CALD1: variants seen among roughly 807,000 people sequenced by gnomAD.
CALD1 encodes the protein caldesmon.
CALD1 carries 33 observed loss-of-function variants against 99.9 expected under a neutral mutation model. The observed-to-expected ratio is 0.33, with a 90% confidence interval of 0.25 to 0.44. The LOEUF is 0.44. Ranked by LOEUF, CALD1 falls within the 20% of genes least tolerant of loss-of-function variation. The pLI is 1.00. For missense variants in CALD1, 861 were observed against 962.1 expected (o/e 0.89, Z 1.39); for synonymous variants, 310 against 325.0 (o/e 0.95, Z 0.50).
chr7:134,946,379 G>A (rs1806873053), intron 7 of CALD1, among the ~76,000 whole-genome samples: 1 of 152,090 alleles, frequency 6.6e-6, no homozygotes, highest in Admixed American at 6.5e-5. Flanking sequence ...GTACAGTTAA[G>A]TAGTGTGAGG....
At chr7:134,818,394 G>C (rs1477419670) in intron 1 of CALD1, among the ~76,000 whole-genome samples, 2 of 152,176 alleles carry the variant, frequency 1.3e-5, no homozygotes, top group Non-Finnish European at 2.9e-5. Flanking sequence ...AAAGTAAATT[G>C]CTTTCTGGTA....
At chr7:134,943,712 G>GT in intron 7 of CALD1, among the ~76,000 whole-genome samples, 1 of 152,112 alleles carries the variant, frequency 6.6e-6, no homozygotes, top group Non-Finnish European at 1.5e-5. Context: ...ATAACTAGCA[G>GT]TAACACTTTT....
intron 1 of CALD1, among the ~76,000 whole-genome samples, chr7:134,806,521 TG>T: frequency 6.6e-6 from 1 of 152,356 alleles, no homozygotes; most frequent in East Asian, 1.9e-4. Flanking sequence ...AACCTGGAGA[TG>T]TTCTTCTCTT....
chr7:134,729,117 GCT>G, the CALD1 span, among the ~76,000 whole-genome samples: 1 of 152,110 alleles, frequency 6.6e-6, no homozygotes, highest in African/African-American at 2.4e-5. Flanking sequence ...CTCCCAAAGT[GCT>G]GGGATTATAG....
At chr7:134,847,954 T>G (rs1363181895) in intron 2 of CALD1, among the ~76,000 whole-genome samples, 2 of 152,224 alleles carry the variant, frequency 1.3e-5, no homozygotes, top group African/African-American at 4.8e-5. Context: ...CCAACTGGAA[T>G]AGCATTTGTA....
chr7:134,795,754 C>A (rs1585958532), intron 1 of CALD1, among the ~76,000 whole-genome samples: 2 of 152,152 alleles, frequency 1.3e-5, no homozygotes, highest in South Asian at 4.2e-4. Flanking sequence ...TGGCCTATAG[C>A]TCTCTTGCTT....
intron 3 of CALD1, among the ~76,000 whole-genome samples, chr7:134,924,663 A>AT (rs1281986761): frequency 3.3e-5 from 5 of 152,174 alleles, no homozygotes; most frequent in African/African-American, 1.2e-4. Context: ...TTTGTAAATA[A>AT]TTTTAATATG....
intron 1 of CALD1, among the ~76,000 whole-genome samples, chr7:134,818,244 C>A (rs1041039237): frequency 6.6e-6 from 1 of 152,020 alleles, no homozygotes; most frequent in African/African-American, 2.4e-5. Context: ...GATAGCAAAC[C>A]ATAAATATGG....
intron 3 of CALD1, chr7:134,891,592 T>C: frequency 6.2e-7 from 1 of 1,600,924 alleles, no homozygotes; most frequent in Non-Finnish European, 8.5e-7. Context: ...CGTATCTCTC[T>C]GCCCCGCCGC....
the CALD1 span, among the ~76,000 whole-genome samples, chr7:134,728,845 C>A: frequency 8.0e-6 from 1 of 124,228 alleles, no homozygotes. Context: ...TATACCTTTT[C>A]TTTTTTTTTT....
At chr7:134,952,949 G>A (rs1807473659) in intron 9 of CALD1, among the ~76,000 whole-genome samples, 2 of 152,188 alleles carry the variant, frequency 1.3e-5, no homozygotes, top group African/African-American at 2.4e-5. Flanking sequence ...TATGTCCTAT[G>A]AGGGAAAGAA....
At chr7:134,810,804 G>C (rs1798324456) in intron 1 of CALD1, among the ~76,000 whole-genome samples, 1 of 152,186 alleles carries the variant, frequency 6.6e-6, no homozygotes, top group Non-Finnish European at 1.5e-5. Context: ...GCAGCTAGGT[G>C]TGTGGGAGTT....
chr7:134,865,384 T>C (rs1366581944), intron 2 of CALD1, among the ~76,000 whole-genome samples: 1 of 151,586 alleles, frequency 6.6e-6, no homozygotes, highest in African/African-American at 2.4e-5. Context: ...TCATACCACA[T>C]GGTACACAGA....
At chr7:134,901,167 GTT>G (rs74735841) in intron 3 of CALD1, among the ~76,000 whole-genome samples, 13 of 139,322 alleles carry the variant, frequency 9.3e-5, no homozygotes, top group Non-Finnish European at 7.9e-5. Flanking sequence ...GAGAAGTAGG[GTT>G]TTTTTTTTTT....
At chr7:134,931,370 T>G in intron 4 of CALD1, among the ~76,000 whole-genome samples, 1 of 152,212 alleles carries the variant, frequency 6.6e-6, no homozygotes, top group South Asian at 2.1e-4. Context: ...AAATGGCCCC[T>G]CTATAGACTT....
intron 3 of CALD1, among the ~76,000 whole-genome samples, chr7:134,907,560 A>C (rs961074522): frequency 1.3e-5 from 2 of 152,224 alleles, no homozygotes; most frequent in African/African-American, 4.8e-5. Context: ...ACTGCCTGGA[A>C]GCATGCAAGT....
chr7:134,757,280 G>A (rs1796738467), intron 1 of CALD1, among the ~76,000 whole-genome samples: 1 of 152,134 alleles, frequency 6.6e-6, no homozygotes, highest in Non-Finnish European at 1.5e-5. Context: ...ACTAGAATGT[G>A]AATGACGACC....
At chr7:134,755,424 A>C (rs1467361165) in intron 1 of CALD1, among the ~76,000 whole-genome samples, 1 of 152,186 alleles carries the variant, frequency 6.6e-6, no homozygotes, top group Non-Finnish European at 1.5e-5. Flanking sequence ...CATTGATTAC[A>C]AGTAAGATTG....
intron 4 of CALD1, among the ~76,000 whole-genome samples, chr7:134,929,669 T>C (rs990462173): frequency 6.5e-5 from 8 of 123,180 alleles, no homozygotes; most frequent in Non-Finnish European, 8.6e-5. Flanking sequence ...TATATATATA[T>C]ACACCACATT....
Sources: allele counts gnomAD v4.1 joint callset (sites outside exome capture counted in the v4.1 genomes callset), GRCh38; gene constraint gnomAD v4.1.1; transcripts MANE v1.5; gene names NCBI Gene and HGNC (gene_info 2026-07-23, HGNC 2026-07-21).